Variants in DNM3 observed in about 807,000 individuals in gnomAD.
DNM3 encodes the protein dynamin-3.
Under a neutral mutation model 101.6 loss-of-function variants are expected in DNM3, and 47 were observed. The ratio of observed to expected loss-of-function variants is 0.46; its 90% CI spans 0.37 to 0.59. The LOEUF (loss-of-function observed/expected upper bound fraction) is 0.59, where lower values mean the gene tolerates loss of function less well. Among genes scored for constraint, DNM3 ranks in the 20% least tolerant of loss-of-function variants. The pLI is 0.00. For missense variants in DNM3, 849 were observed against 1,085.7 expected (o/e 0.78, Z 3.06); for synonymous variants, 385 against 387.9 (o/e 0.99, Z 0.09).
intron 2 of DNM3, among the ~76,000 whole-genome samples, chr1:171,982,928 CTGT>C (rs2044919225): frequency 6.6e-6 from 1 of 152,146 alleles, no homozygotes; most frequent in Non-Finnish European, 1.5e-5. Context: ...TGCCTCTTTC[CTGT>C]TCCTATGGAT....
At chr1:172,081,417 T>C (rs1572423156) in intron 11 of DNM3, among the ~76,000 whole-genome samples, 2 of 152,290 alleles carry the variant, frequency 1.3e-5, no homozygotes, top group East Asian at 3.9e-4. Context: ...AATTACTAAT[T>C]TGTGGCTAAT....
intron 1 of DNM3, among the ~76,000 whole-genome samples, chr1:171,873,353 C>T (rs1381765893): frequency 1.3e-5 from 2 of 152,068 alleles, no homozygotes; most frequent in African/African-American, 4.8e-5. Flanking sequence ...CTGAATTCAG[C>T]AGACATTTAT....
chr1:171,873,458 C>T (rs1005809509), intron 1 of DNM3, among the ~76,000 whole-genome samples: 2 of 152,042 alleles, frequency 1.3e-5, no homozygotes, highest in Admixed American at 6.6e-5. Context: ...CAGGTTTTAA[C>T]TGGGGAGATG....
intron 1 of DNM3, among the ~76,000 whole-genome samples, chr1:171,921,105 GTTTTTTTTTTTCT>G (rs2040126781): frequency 7.1e-6 from 1 of 141,642 alleles, no homozygotes; most frequent in African/African-American, 2.6e-5. Flanking sequence ...TTTTTGTAGG[GTTTTTTTTTTTCT>G]TTTTTTTTTT....
At chr1:172,228,015 G>C (rs2061198611) in intron 14 of DNM3, among the ~76,000 whole-genome samples, 1 of 151,658 alleles carries the variant, frequency 6.6e-6, no homozygotes, top group African/African-American at 2.4e-5. Context: ...TTTCTATTAG[G>C]GTGTTTATTT....
At chr1:172,140,987 C>A (rs1266772594) in intron 14 of DNM3, among the ~76,000 whole-genome samples, 3 of 151,862 alleles carry the variant, frequency 2.0e-5, no homozygotes, top group Admixed American at 1.3e-4. Flanking sequence ...GTATTATTAT[C>A]ATACCATGTA....
chr1:172,405,587 C>A (rs2070818980), intron 20 of DNM3, among the ~76,000 whole-genome samples: 1 of 152,038 alleles, frequency 6.6e-6, no homozygotes, highest in South Asian at 2.1e-4. Context: ...TATCCTACTT[C>A]TCACTGAATT....
In DNM3 at chr1:172,411,980, G is replaced by C. The variant is rs983091742; in HGVS notation, c.*4139G>C. The C allele has an allele frequency of 5.2e-5, 51 of 985,598 alleles. No individual in the cohort carries two copies. Among genetic ancestry groups the C allele is most frequent in the Admixed American group, 6.2e-5 (1 of 16,256 alleles). 61.1% of individuals were successfully genotyped at this position (985,598 alleles called of 1,614,324 possible). A position where few individuals can be genotyped will look rare whatever the true frequency, so the allele number is the denominator to read the frequency against. ...TGGTTGCTATGTTTAAAATTATGTG[G>C]TGCTGTGTAGGTGAAACTTTAAGAA... is the stretch of plus-strand genomic sequence containing the variant. On this transcript the variant is annotated 3_prime_UTR_variant, in exon 21 of 21. Coordinates refer to ENST00000627582, the MANE Select transcript of DNM3 (RefSeq NM_015569.5).
chr1:172,009,909 G>A (rs1019060835), intron 4 of DNM3, among the ~76,000 whole-genome samples: 4 of 151,458 alleles, frequency 2.6e-5, no homozygotes, highest in Non-Finnish European at 5.9e-5. Context: ...TTATTTACTT[G>A]TTCTTTGAAT....
At chr1:171,979,278 T>G (rs1158517027) in intron 2 of DNM3, among the ~76,000 whole-genome samples, 3 of 152,170 alleles carry the variant, frequency 2.0e-5, no homozygotes, top group African/African-American at 4.8e-5. Context: ...TCTTTCCTGT[T>G]TTCTGTATTT....
intron 15 of DNM3, among the ~76,000 whole-genome samples, chr1:172,298,469 A>G (rs2586411): frequency 0.28 from 42,532 of 152,000 alleles, 6,053 homozygotes; most frequent in East Asian, 0.31. Flanking sequence ...AGGACCAGAG[A>G]GTCAGGCCCA....
At chr1:172,015,523 G>T (rs2047392531) in intron 4 of DNM3, among the ~76,000 whole-genome samples, 2 of 151,906 alleles carry the variant, frequency 1.3e-5, no homozygotes. Context: ...TCATTTTGGG[G>T]GGTTCTAATG....
intron 14 of DNM3, among the ~76,000 whole-genome samples, chr1:172,164,873 G>C (rs556045345): frequency 6.6e-6 from 1 of 151,990 alleles, no homozygotes; most frequent in Non-Finnish European, 1.5e-5. Flanking sequence ...GTAACCCTAG[G>C]GTGGTCAAAA....
chr1:172,412,256 A>T lies in DNM3; in HGVS notation c.*4415A>T, dbSNP rs1418916444. 1 of 985,254 alleles carries T rather than the reference A, an allele frequency of 1.0e-6. No individual in the cohort carries two copies. Among genetic ancestry groups the T allele is most frequent in the African/African-American group, 1.7e-5 (1 of 57,224 alleles). The allele number at this position is 985,254 out of a possible 1,614,324, so 61.0% of individuals were successfully genotyped here. A position where few individuals can be genotyped will look rare whatever the true frequency, so the allele number is the denominator to read the frequency against. On this transcript the variant is annotated 3_prime_UTR_variant, in exon 21 of 21. Transcript: ENST00000627582. ...CTCTTGAATTCCTTAAACTTCGCTCATTATGAAATGTTTTAAAATTATGAC... is the reference window on the plus strand; with the variant it reads ...CTCTTGAATTCCTTAAACTTCGCTCTTTATGAAATGTTTTAAAATTATGAC...
intron 4 of DNM3, among the ~76,000 whole-genome samples, chr1:172,020,706 A>G (rs1395866355): frequency 7.8e-6 from 1 of 128,448 alleles, no homozygotes; most frequent in Non-Finnish European, 1.5e-5. Context: ...CCTGGGCGAC[A>G]GTGTGAGACT....
intron 14 of DNM3, among the ~76,000 whole-genome samples, chr1:172,165,888 A>C (rs1489621575): frequency 6.6e-6 from 1 of 152,022 alleles, no homozygotes; most frequent in Non-Finnish European, 1.5e-5. Context: ...ACCTTAATTA[A>C]TTAAGGAATC....
At chr1:172,273,487 C>T (rs1174321469) in intron 15 of DNM3, among the ~76,000 whole-genome samples, 1 of 152,018 alleles carries the variant, frequency 6.6e-6, no homozygotes, top group Non-Finnish European at 1.5e-5. Flanking sequence ...TGTGTCTGTA[C>T]ATAGGCCCAA....
chr1:172,103,604 G>C (rs959781100), intron 13 of DNM3, among the ~76,000 whole-genome samples: 3 of 152,134 alleles, frequency 2.0e-5, no homozygotes, highest in African/African-American at 7.2e-5. Context: ...AACTATATAT[G>C]TAAGTACCTC....
chr1:171,921,685 TTATGAATG>T, intron 1 of DNM3, 55 bp from the exon 2 acceptor site: 1 of 1,393,762 alleles, frequency 7.2e-7, no homozygotes, highest in Non-Finnish European at 1.0e-6. Flanking sequence ...GGAACTTGGT[TTATGAATG>T]TACAGGTGAT....
Sources: gnomAD v4.1 joint callset for allele counts (sites outside exome capture counted in the v4.1 genomes callset) on GRCh38, gnomAD v4.1.1 for gene constraint, MANE v1.5 for transcripts, NCBI Gene and HGNC (gene_info 2026-07-23, HGNC 2026-07-21) for gene names.